Variants in PTPRD observed in about 807,000 individuals in gnomAD.
PTPRD encodes protein tyrosine phosphatase receptor type D.
In PTPRD, 34 loss-of-function variants were observed where a neutral mutation model predicts 214.5. The ratio of observed to expected loss-of-function variants is 0.16; its 90% CI spans 0.12 to 0.21. PTPRD has a LOEUF of 0.21. Ranked by LOEUF, PTPRD falls within the 10% of genes least tolerant of loss-of-function variation. The pLI is 1.00. For missense variants in PTPRD, 2,545 were observed against 2,398.7 expected (o/e 1.06, Z -1.27); for synonymous variants, 1,128 against 845.7 (o/e 1.33, Z -5.79).
chr9:9,272,970 T>C (rs980294848), intron 9 of PTPRD, among the ~76,000 whole-genome samples: 1 of 151,350 alleles, frequency 6.6e-6, no homozygotes, highest in Admixed American at 6.6e-5. Flanking sequence ...CTTTAGATAA[T>C]GTCAATATTT....
intron 11 of PTPRD, among the ~76,000 whole-genome samples, chr9:8,895,757 T>A (rs1449202808): frequency 6.6e-6 from 1 of 152,182 alleles, no homozygotes; most frequent in East Asian, 1.9e-4. Context: ...CCTCCAGACT[T>A]TAGTTTACTG....
intron 11 of PTPRD, among the ~76,000 whole-genome samples, chr9:8,782,823 T>C (rs572018714): frequency 1.3e-5 from 2 of 152,212 alleles, no homozygotes; most frequent in South Asian, 2.1e-4. Flanking sequence ...CTCGAACTCC[T>C]GACCTCGTGA....
intron 9 of PTPRD, among the ~76,000 whole-genome samples, chr9:9,217,801 T>C (rs2099953257): frequency 6.6e-6 from 1 of 152,138 alleles, no homozygotes; most frequent in Admixed American, 6.6e-5. Flanking sequence ...AATTCCTCTT[T>C]GCATTTGTCC....
chr9:8,911,441 G>GT (rs2098747854), intron 11 of PTPRD, among the ~76,000 whole-genome samples: 3 of 145,624 alleles, frequency 2.1e-5, no homozygotes, highest in African/African-American at 8.2e-5. Context: ...GTGTGTGTGT[G>GT]AGAGAGAGAG....
At chr9:10,128,706 C>T (rs868034987) in intron 3 of PTPRD, among the ~76,000 whole-genome samples, 73 of 152,196 alleles carry the variant, frequency 4.8e-4, no homozygotes, top group African/African-American at 1.5e-3. Flanking sequence ...TCTGCGATAC[C>T]GTCTTTAGGG....
At chr9:8,670,022 T>TTA (rs1565150476) in intron 12 of PTPRD, among the ~76,000 whole-genome samples, 1 of 149,414 alleles carries the variant, frequency 6.7e-6, no homozygotes, top group South Asian at 2.2e-4. Flanking sequence ...TCTGCCTCTT[T>TTA]TTTTTTTTTT....
intron 5 of PTPRD, among the ~76,000 whole-genome samples, chr9:9,778,014 G>C (rs773820222): frequency 2.0e-5 from 3 of 152,180 alleles, no homozygotes; most frequent in Non-Finnish European, 4.4e-5. Flanking sequence ...GATTCCTCAA[G>C]AAAGGCAGTG....
chr9:10,302,603 G>A (rs560338905), intron 3 of PTPRD, among the ~76,000 whole-genome samples: 4 of 152,052 alleles, frequency 2.6e-5, no homozygotes, highest in Admixed American at 2.0e-4. Flanking sequence ...AAAATAGCAC[G>A]GGTTACAATC....
chr9:9,980,070 T>C (rs1480044239), intron 4 of PTPRD, among the ~76,000 whole-genome samples: 1 of 152,128 alleles, frequency 6.6e-6, no homozygotes, highest in Non-Finnish European at 1.5e-5. Context: ...AGAAAATATT[T>C]ATTAAACAAG....
intron 36 of PTPRD, among the ~76,000 whole-genome samples, chr9:8,394,923 C>G (rs1181957365): frequency 6.6e-6 from 1 of 152,026 alleles, no homozygotes; most frequent in Non-Finnish European, 1.5e-5. Context: ...GAAAGAAGCT[C>G]TCCTTGGACT....
At chr9:9,068,478 G>T (rs1312459620) in intron 10 of PTPRD, among the ~76,000 whole-genome samples, 2 of 151,896 alleles carry the variant, frequency 1.3e-5, no homozygotes, top group Non-Finnish European at 2.9e-5. Flanking sequence ...GCAATCTTTG[G>T]ATTTCTTTTA....
chr9:9,703,783 A>T (rs368332693), intron 7 of PTPRD, among the ~76,000 whole-genome samples: 3 of 152,194 alleles, frequency 2.0e-5, no homozygotes, highest in South Asian at 4.1e-4. Context: ...AACCCTAAAG[A>T]GTTGAAGTTA....
chr9:9,977,373 G>A (rs957026091), intron 4 of PTPRD, among the ~76,000 whole-genome samples: 86 of 152,250 alleles, frequency 5.6e-4, no homozygotes, highest in African/African-American at 2.0e-3. Flanking sequence ...AATATAATGT[G>A]AGATTTCAAA....
chr9:8,765,348 A>T (rs1261142875), intron 11 of PTPRD, among the ~76,000 whole-genome samples: 2 of 152,224 alleles, frequency 1.3e-5, no homozygotes, highest in Non-Finnish European at 2.9e-5. Flanking sequence ...TAAGTTATAT[A>T]AAAACCATGA....
intron 27 of PTPRD, among the ~76,000 whole-genome samples, chr9:8,489,127 A>G (rs12349550): frequency 0.059 from 8,917 of 152,240 alleles, 859 homozygotes; most frequent in African/African-American, 0.2. Context: ...TCACTTTATA[A>G]TATTGCTATG....
chr9:8,957,363 G>T (rs552227906), intron 11 of PTPRD, among the ~76,000 whole-genome samples: 1 of 151,644 alleles, frequency 6.6e-6, no homozygotes, highest in African/African-American at 2.4e-5. Context: ...TCCACAGCAT[G>T]GATCTTCATT....
intron 5 of PTPRD, among the ~76,000 whole-genome samples, chr9:9,839,277 T>C (rs985772571): frequency 2.0e-5 from 3 of 152,132 alleles, no homozygotes; most frequent in African/African-American, 7.2e-5. Context: ...TGTTTGCAGA[T>C]GACATGATTG....
intron 8 of PTPRD, among the ~76,000 whole-genome samples, chr9:9,466,510 GA>G (rs1271599412): frequency 6.6e-6 from 1 of 152,062 alleles, no homozygotes; most frequent in Non-Finnish European, 1.5e-5. Flanking sequence ...TGAAGCAAAG[GA>G]ACTCGCTGAT....
At chr9:8,734,795 G>A (rs989230313) in intron 11 of PTPRD, among the ~76,000 whole-genome samples, 2 of 152,228 alleles carry the variant, frequency 1.3e-5, no homozygotes, top group East Asian at 3.8e-4. Context: ...AATTTAATAA[G>A]TGATTAGCGC....
Sources: allele counts gnomAD v4.1 joint callset (sites outside exome capture counted in the v4.1 genomes callset), GRCh38; gene constraint gnomAD v4.1.1; transcripts MANE v1.5; gene names NCBI Gene and HGNC (gene_info 2026-07-23, HGNC 2026-07-21).